The following ITGA1 variants were observed in gnomAD, a reference collection of about 807,000 sequenced individuals.
ITGA1 encodes the protein integrin alpha-1.
In ITGA1, 85 loss-of-function variants were observed where a neutral mutation model predicts 145.9. The ratio of observed to expected loss-of-function variants is 0.58; its 90% CI spans 0.49 to 0.70. The LOEUF is 0.70. Among genes scored for constraint, ITGA1 ranks in the 30% least tolerant of loss-of-function variants. The probability of loss-of-function intolerance (pLI) is 0.00; values close to 1 mark genes in which losing one functional copy is unlikely to be tolerated. For synonymous variants in ITGA1, 520 were observed against 495.3 expected, an observed-to-expected ratio of 1.05 and a Z score of -0.66; for missense variants, 1,351 against 1,418.7, an observed-to-expected ratio of 0.95 and a Z score of 0.77.
At chr5:52,825,271 A>G (rs1233159962) in intron 1 of ITGA1, 5 of 152,204 alleles carry the variant, frequency 3.3e-5, no homozygotes, top group Non-Finnish European at 7.3e-5. Context: ...ATGTCATAGT[A>G]TGTATCAGTA....
At position 52,872,138 on chromosome 5, in the gene ITGA1, CAG is replaced by C. The variant is rs111639719; in HGVS notation, c.624+6325_624+6326del. 6.1e-3 allele frequency among the ~76,000 whole-genome samples: 923 copies of C among 152,210 alleles called. 8 individuals carry two copies. The highest frequency in any genetic ancestry group is 0.029 in the South Asian group (140 of 4,824). On this transcript the variant is annotated intron_variant, in intron 6 of 28. Coordinates refer to ENST00000282588, the MANE Select transcript of ITGA1 (RefSeq NM_181501.2). ...TAGCATTAAACCAAGCAAAATGAAA[CAG>C]AGAAATTAATTAAATTTTAGGAATA...
chr5:52,872,820 T>G (rs140546590), intron 6 of ITGA1, among the ~76,000 whole-genome samples: 8 of 152,164 alleles, frequency 5.3e-5, no homozygotes, highest in African/African-American at 1.9e-4. Context: ...AAATGTCACT[T>G]TCTCTGTAAT....
chr5:52,889,382 G>A (rs892666160), intron 8 of ITGA1, among the ~76,000 whole-genome samples: 6 of 152,138 alleles, frequency 3.9e-5, no homozygotes, highest in African/African-American at 9.7e-5. Flanking sequence ...GATTACAGGC[G>A]TGAGCCACCG....
At chr5:52,830,697 A>G (rs1206928439) in intron 1 of ITGA1, among the ~76,000 whole-genome samples, 2 of 152,198 alleles carry the variant, frequency 1.3e-5, no homozygotes, top group Non-Finnish European at 2.9e-5. Context: ...AATGTGGAAT[A>G]GTAGTTGCAC....
rs1286216840 is a variant in ITGA1 at position 52,939,869 on chromosome 5, C to T, written c.3210C>T (p.Ile1070=). The T allele has an allele frequency of 3.7e-6, 6 of 1,612,480 alleles. No homozygotes were observed. Among genetic ancestry groups the T allele is most frequent in the Non-Finnish European group, 4.2e-6 (5 of 1,178,644 alleles). The change falls in exon 26 of 29, where the codon ATC becomes ATT. Residue 1070 remains isoleucine (I), a synonymous_variant. Transcript: ENST00000282588. Reference sequence around the variant, plus strand: ...GCAATACATGTAAATTTGCTACCATCACATGTAATCTCACTTCTTCTGACA... The same window carrying T: ...GCAATACATGTAAATTTGCTACCATTACATGTAATCTCACTTCTTCTGACA... ...LDCNTCKFAT[I]TCNLTSSDIS...
intron 12 of ITGA1, 136 bp from the exon 13 acceptor site, chr5:52,908,762 C>T (rs989501493): frequency 6.0e-6 from 5 of 836,676 alleles, no homozygotes; most frequent in African/African-American, 1.7e-5. Context: ...TTTCAGGGAG[C>T]ATCAATTTTT....
At chr5:52,886,233 T>G (rs1384245264) in intron 7 of ITGA1, among the ~76,000 whole-genome samples, 2 of 152,156 alleles carry the variant, frequency 1.3e-5, no homozygotes, top group African/African-American at 2.4e-5. Context: ...AAGTAAAAAA[T>G]TAGTACAACT....
intron 1 of ITGA1, among the ~76,000 whole-genome samples, chr5:52,817,160 T>TTAAATAAGTTTCGAAA (rs1748789499): frequency 6.6e-6 from 1 of 152,246 alleles, no homozygotes; most frequent in South Asian, 2.1e-4. Context: ...AGTAAGATGC[T>TTAAATAAGTTTCGAAA]AATCTTTTCG....
intron 3 of ITGA1, among the ~76,000 whole-genome samples, chr5:52,864,464 C>G (rs998745408): frequency 6.6e-6 from 1 of 152,138 alleles, no homozygotes; most frequent in Non-Finnish European, 1.5e-5. Context: ...AGATTAAAAA[C>G]TTTGCTTTAA....
intron 2 of ITGA1, among the ~76,000 whole-genome samples, chr5:52,852,265 G>A (rs1023150382): frequency 3.9e-5 from 6 of 152,148 alleles, no homozygotes; most frequent in South Asian, 2.1e-4. Context: ...AGATGAGGAC[G>A]TTGAGAAGCC....
intron 23 of ITGA1, among the ~76,000 whole-genome samples, chr5:52,937,039 C>A: frequency 1.5e-5 from 2 of 134,070 alleles, no homozygotes. Context: ...TTCAAAAAGA[C>A]TGGTATGTTA....
At chr5:52,937,003 G>A (rs938848692) in intron 23 of ITGA1, among the ~76,000 whole-genome samples, 2 of 149,086 alleles carry the variant, frequency 1.3e-5, no homozygotes, top group Non-Finnish European at 3.0e-5. Context: ...AATCTAAATT[G>A]TTCCGTGGTC....
At chr5:52,891,693 G>A (rs1344416611) in intron 8 of ITGA1, among the ~76,000 whole-genome samples, 4 of 150,912 alleles carry the variant, frequency 2.7e-5, no homozygotes, top group Non-Finnish European at 4.4e-5. Flanking sequence ...GCAAATATAA[G>A]GAAACACCTA....
chr5:52,863,437 T>C (rs1045297255), intron 3 of ITGA1, among the ~76,000 whole-genome samples: 1 of 151,988 alleles, frequency 6.6e-6, no homozygotes, highest in Non-Finnish European at 1.5e-5. Flanking sequence ...GGAGTTCTAT[T>C]TGAGTTTTAG....
At chr5:52,800,227 C>T in intron 1 of ITGA1, 1 of 651,020 alleles carries the variant, frequency 1.5e-6, no homozygotes, top group Non-Finnish European at 2.7e-6. Flanking sequence ...GGAAGTGCTG[C>T]CCTAGGCTGC....
intron 9 of ITGA1, 96 bp from the exon 10 acceptor site, chr5:52,897,359 A>G: frequency 1.2e-6 from 1 of 813,790 alleles, no homozygotes; most frequent in Non-Finnish European, 2.0e-6. Context: ...CTGGTTGGTA[A>G]GACCACAAGC....
intron 2 of ITGA1, among the ~76,000 whole-genome samples, chr5:52,857,348 C>T (rs1749532605): frequency 6.6e-6 from 1 of 152,084 alleles, no homozygotes; most frequent in Non-Finnish European, 1.5e-5. Flanking sequence ...ATTCTACTCC[C>T]TCTCCTGTGA....
At chr5:52,834,635 AAGAC>A (rs202196543) in intron 1 of ITGA1, among the ~76,000 whole-genome samples, 543 of 150,590 alleles carry the variant, frequency 3.6e-3, no homozygotes, top group African/African-American at 0.011. Flanking sequence ...GAGAGAAAGA[AAGAC>A]AGAAAGAAAG....
chr5:52,940,761 A>G (rs1217383326), intron 26 of ITGA1, among the ~76,000 whole-genome samples: 1 of 152,120 alleles, frequency 6.6e-6, no homozygotes, highest in African/African-American at 2.4e-5. Flanking sequence ...TGCTATTTTT[A>G]TGTCATTAAC....
Sources: gnomAD v4.1 joint callset for allele counts (sites outside exome capture counted in the v4.1 genomes callset) on GRCh38, gnomAD v4.1.1 for gene constraint, MANE v1.5 for transcripts, NCBI Gene and HGNC (gene_info 2026-07-23, HGNC 2026-07-21) for gene names.